GALNT9: variants seen among roughly 807,000 people sequenced by gnomAD.
GALNT9 encodes the protein polypeptide N-acetylgalactosaminyltransferase 9.
A neutral mutation model predicts 63.1 loss-of-function variants in GALNT9; 47 were observed. That is an observed-to-expected ratio of 0.75 (90% CI 0.59 to 0.95). The LOEUF is 0.95. Ranked by LOEUF, GALNT9 falls within the 40% of genes least tolerant of loss-of-function variation. GALNT9 has a pLI of 0.00. For missense variants in GALNT9, 829 were observed against 874.8 expected (o/e 0.95, Z 0.66); for synonymous variants, 396 against 365.7 (o/e 1.08, Z -0.94).
In GALNT9 at chr12:132,282,645, T is replaced by C. The variant is rs1027339040; in HGVS notation, c.419+3605A>G. Among the ~76,000 whole-genome samples the C allele has an allele frequency of 6.6e-6, 1 of 151,772 alleles. No homozygotes were observed. Among genetic ancestry groups the C allele is most frequent in the Non-Finnish European group, 1.5e-5 (1 of 67,912 alleles). ...AGCTCCCAGCCTTGGTTTCATCTTG[T>C]GGGAAAAGGCTGCCTGTTTTTTTCT... On this transcript the variant is annotated intron_variant, in intron 2 of 10. Transcript: ENST00000328957. The surrounding 1 kb of genome is among the most constrained non-coding windows in gnomAD (Gnocchi z 4.5).
intron 1 of GALNT9, 151 bp downstream of exon 1, chr12:132,328,815 T>G: frequency 3.0e-6 from 3 of 989,492 alleles, no homozygotes; most frequent in Non-Finnish European, 4.1e-6. Flanking sequence ...TGAAGGGGCT[T>G]CCGCGGCCCT....
At chr12:132,226,456 C>T (rs1174480160) in intron 6 of GALNT9, among the ~76,000 whole-genome samples, 1 of 149,416 alleles carries the variant, frequency 6.7e-6, no homozygotes, top group Non-Finnish European at 1.5e-5. Context: ...CACACACATA[C>T]ACCCACCCCA....
chr12:132,311,815 T>C (rs1435863023), intron 1 of GALNT9, among the ~76,000 whole-genome samples: 2 of 152,164 alleles, frequency 1.3e-5, no homozygotes, highest in African/African-American at 4.8e-5. Context: ...GCTGTCCACT[T>C]CAGGGAGTGT....
intron 6 of GALNT9, among the ~76,000 whole-genome samples, chr12:132,235,415 C>G (rs1175053109): frequency 6.6e-5 from 10 of 152,158 alleles, no homozygotes; most frequent in African/African-American, 2.4e-4. Context: ...GAGAGGTGGA[C>G]AGGAGGAGAG....
intron 6 of GALNT9, among the ~76,000 whole-genome samples, chr12:132,227,514 CCAGA>C (rs1877739863): frequency 6.6e-6 from 1 of 152,172 alleles, no homozygotes; most frequent in Non-Finnish European, 1.5e-5. Flanking sequence ...ACGTCTCGGC[CCAGA>C]CAGAGGCAGA....
chr12:132,286,327 A>G lies in GALNT9; in HGVS notation c.342T>C (p.Tyr114=). The change falls in exon 2 of 11, where the codon TAT becomes TAC. Residue 114 remains tyrosine (Y), a synonymous_variant. Transcript: ENST00000328957. The surrounding 1 kb of genome is among the most constrained non-coding windows in gnomAD (Gnocchi z 7.4). ...GCTGAGCGTTGTAGCCGTACTCCTC[A>G]TACTTGCCTTCCGCCTCCTGGCCGT... ...RDDGQEAEGK[Y]EEYGYNAQLS... The G allele has an allele frequency of 6.4e-7, 1 of 1,551,212 alleles. No individual in the cohort carries two copies. The highest frequency in any genetic ancestry group is 8.7e-7 in the Non-Finnish European group (1 of 1,146,898).
chr12:132,313,188 TCCATA>T (rs1318840585), intron 1 of GALNT9, among the ~76,000 whole-genome samples: 1 of 28,996 alleles, frequency 3.4e-5, no homozygotes, highest in Non-Finnish European at 6.5e-5. Context: ...CACCCATCCC[TCCATA>T]CATCTGTACA....
intron 1 of GALNT9, among the ~76,000 whole-genome samples, chr12:132,304,019 T>A (rs183841162): frequency 6.1e-4 from 5 of 8,224 alleles, no homozygotes; most frequent in Non-Finnish European, 1.0e-3. Flanking sequence ...GCACACCCTC[T>A]CCGGGGCACA....
chr12:132,270,696 A>AGCCACAGCCACGGACACGGCCACG (rs1879832367), intron 2 of GALNT9, among the ~76,000 whole-genome samples: 1 of 152,030 alleles, frequency 6.6e-6, no homozygotes, highest in Non-Finnish European at 1.5e-5. Flanking sequence ...CCATGGCCAC[A>AGCCACAGCCACGGACACGGCCACG]GCCACAGCCA....
At chr12:132,239,879 C>T (rs1878176682) in intron 6 of GALNT9, among the ~76,000 whole-genome samples, 1 of 152,006 alleles carries the variant, frequency 6.6e-6, no homozygotes, top group African/African-American at 2.4e-5. Flanking sequence ...CACAGAGAGA[C>T]AGACCACAGA....
chr12:132,319,818 G>A lies in GALNT9; in HGVS notation c.238+9148C>T, dbSNP rs1009388633. The stretch of plus-strand genomic sequence containing the variant: ...CTCGGGCCTGGGTGCCCAGCCTCCC[G>A]CGTCCTTCTAGGGAGAAGCCGGATT... On this transcript the variant is annotated intron_variant, in intron 1 of 10. Coordinates refer to ENST00000328957, the MANE Select transcript of GALNT9 (RefSeq NM_001122636.2). The surrounding 1 kb of genome is among the most constrained non-coding windows in gnomAD (Gnocchi z 5.2). 1.1e-4 allele frequency among the ~76,000 whole-genome samples: 17 copies of A among 152,166 alleles called. No individual in the cohort carries two copies. Among genetic ancestry groups the A allele is most frequent in the African/African-American group, 3.4e-4 (14 of 41,426 alleles).
chr12:132,247,480 G>C (rs1443383431), intron 6 of GALNT9: 1 of 394,758 alleles, frequency 2.5e-6, no homozygotes, highest in Non-Finnish European at 5.1e-6. Flanking sequence ...AGCCTTGGCC[G>C]CCCAGCTTGG....
chr12:132,306,492 G>A (rs1881618089), intron 1 of GALNT9, among the ~76,000 whole-genome samples: 1 of 152,314 alleles, frequency 6.6e-6, no homozygotes, highest in African/African-American at 2.4e-5. Flanking sequence ...CAGAGCGGGG[G>A]TCTAGACTGT....
In GALNT9 at chr12:132,292,024, G is replaced by C. The variant is rs554451924; in HGVS notation, c.239-5594C>G. ...TCCTGCTTCCTGCCCCGGGGCCTTG[G>C]CTCCTGCCCTCACTCGGACCTCAGC... is the stretch of plus-strand genomic sequence containing the variant. On this transcript the variant is annotated intron_variant, in intron 1 of 10. Coordinates refer to ENST00000328957, the MANE Select transcript of GALNT9 (RefSeq NM_001122636.2). Among the ~76,000 whole-genome samples, 8 of 152,222 alleles carry C rather than the reference G, an allele frequency of 5.3e-5. No individual in the cohort carries two copies. In the East Asian group the frequency reaches 1.5e-3, roughly 29 times the overall value.
intron 6 of GALNT9, chr12:132,205,987 G>A (rs1876669366): frequency 6.6e-6 from 1 of 152,360 alleles, no homozygotes. Context: ...GCGGGACAGA[G>A]CCTCGTCCTC....
At chr12:132,200,535 C>T (rs2135499424) in intron 8 of GALNT9, 1 of 152,658 alleles carries the variant, frequency 6.6e-6, no homozygotes, top group African/African-American at 2.4e-5. Flanking sequence ...TAACAAGGGC[C>T]TGTGTGTTTA....
chr12:132,298,753 A>G (rs1281010515), intron 1 of GALNT9, among the ~76,000 whole-genome samples: 2 of 147,624 alleles, frequency 1.4e-5, no homozygotes, highest in Non-Finnish European at 3.0e-5. Flanking sequence ...CACTCCCACC[A>G]CACCTAACCC....
At chr12:132,201,028 A>C in intron 8 of GALNT9, 96 bp downstream of exon 8, 1 of 1,218,490 alleles carries the variant, frequency 8.2e-7, no homozygotes, top group South Asian at 1.5e-5. Context: ...CTCCGTGTGC[A>C]TGTGGATGTG....
chr12:132,220,252 G>C (rs1326250175), intron 6 of GALNT9, among the ~76,000 whole-genome samples: 1 of 152,110 alleles, frequency 6.6e-6, no homozygotes, highest in African/African-American at 2.4e-5. Flanking sequence ...GCAATACCCT[G>C]ATAAATAAAT....
Sources: gnomAD v4.1 joint callset for allele counts (sites outside exome capture counted in the v4.1 genomes callset) on GRCh38, gnomAD v4.1.1 for gene constraint, Gnocchi (gnomAD v3.1) non-coding constraint, MANE v1.5 for transcripts, NCBI Gene and HGNC (gene_info 2026-07-23, HGNC 2026-07-21) for gene names.